Variants in ANO1 observed in about 807,000 individuals in gnomAD.
The protein encoded by ANO1 is anoctamin-1.
Under a neutral mutation model 124.0 loss-of-function variants are expected in ANO1, and 59 were observed. That is an observed-to-expected ratio of 0.48 (90% CI 0.39 to 0.59). ANO1 has a LOEUF of 0.59. Ranked by LOEUF, ANO1 falls within the 20% of genes least tolerant of loss-of-function variation. The pLI, the probability that ANO1 is intolerant of heterozygous loss-of-function variation, is 0.00. For missense variants in ANO1, 1,059 were observed against 1,328.0 expected (o/e 0.80, Z 3.15); for synonymous variants, 529 against 532.0 (o/e 0.99, Z 0.08).
chr11:70,089,984 C>T (rs2044555441), intron 2 of ANO1, among the ~76,000 whole-genome samples: 1 of 145,556 alleles, frequency 6.9e-6, no homozygotes, highest in African/African-American at 2.6e-5. Flanking sequence ...CTCATCTGTT[C>T]CCCAGGGTTT....
At chr11:70,085,052 G>A (rs986790830) in intron 1 of ANO1, among the ~76,000 whole-genome samples, 2 of 152,172 alleles carry the variant, frequency 1.3e-5, no homozygotes, top group South Asian at 2.1e-4. Context: ...ACTAAGGGGG[G>A]CCGCACCTTG....
At chr11:70,117,019 G>A (rs897867529) in intron 8 of ANO1, among the ~76,000 whole-genome samples, 32 of 151,710 alleles carry the variant, frequency 2.1e-4, no homozygotes, top group African/African-American at 7.7e-4. Flanking sequence ...TTTTAATGGA[G>A]AAGTTGTTGA....
chr11:69,990,063 A>G (rs1364463999), intron 1 of ANO1, among the ~76,000 whole-genome samples: 3 of 152,182 alleles, frequency 2.0e-5, no homozygotes, highest in African/African-American at 7.2e-5. Context: ...ATGTCATACA[A>G]CTATCATCAC....
intron 1 of ANO1, among the ~76,000 whole-genome samples, chr11:70,061,546 A>C (rs1445012145): frequency 1.5e-5 from 2 of 133,006 alleles, no homozygotes; most frequent in African/African-American, 5.8e-5. Flanking sequence ...CAGAATGTTG[A>C]GCTTATTTCT....
intron 19 of ANO1, chr11:70,163,664 C>T: frequency 1.7e-6 from 1 of 572,766 alleles, no homozygotes; most frequent in South Asian, 2.2e-5. Context: ...GGGACGGGTG[C>T]AGTGGCTCAT....
intron 2 of ANO1, among the ~76,000 whole-genome samples, chr11:70,096,386 C>T (rs868599182): frequency 6.6e-6 from 1 of 152,274 alleles, no homozygotes; most frequent in Middle Eastern, 3.4e-3. Context: ...TTTTAGGAAC[C>T]AGGCCCCCCA....
At chr11:70,170,798 C>T (rs2048433862) in intron 21 of ANO1, 89 bp from the exon 22 acceptor site, 1 of 1,500,452 alleles carries the variant, frequency 6.7e-7, no homozygotes, top group African/African-American at 1.4e-5. Context: ...GGCAGCCAGA[C>T]CTGTGCGGCT....
chr11:70,158,367 C>T (rs1004764213), intron 16 of ANO1, among the ~76,000 whole-genome samples: 5 of 152,076 alleles, frequency 3.3e-5, no homozygotes, highest in African/African-American at 1.2e-4. Flanking sequence ...CTCCTGTGGC[C>T]ACCTAGCCCC....
intron 14 of ANO1, among the ~76,000 whole-genome samples, chr11:70,153,921 G>A (rs938442022): frequency 1.3e-5 from 2 of 151,998 alleles, no homozygotes; most frequent in East Asian, 1.9e-4. Flanking sequence ...GCGTACCACC[G>A]TGTCCAGCTA....
At chr11:70,023,801 G>T (rs190284279) in intron 1 of ANO1, among the ~76,000 whole-genome samples, 215 of 152,278 alleles carry the variant, frequency 1.4e-3, no homozygotes, top group African/African-American at 4.8e-3. Flanking sequence ...GCCATGTGTG[G>T]GCCAAGAATC....
Position 70,185,632 on chromosome 11 carries a change from C to T in ANO1, c.2631C>T (p.Tyr877=), listed in dbSNP as rs777793743. The change falls in exon 25 of 26, where the codon TAC becomes TAT. Residue 877 remains tyrosine, a synonymous_variant. Transcript: ENST00000355303. ...YREPPWSENK[Y]DISKDFWAVL... is the part of the protein sequence containing the mutation. ...AGCCGCCGTGGTCGGAAAACAAGTA[C>T]GACATCTCCAAGGACTTCTGGGCCG... 13 of 1,613,768 alleles carry T rather than the reference C, an allele frequency of 8.1e-6. No homozygotes were observed. Among genetic ancestry groups the T allele is most frequent in the Middle Eastern group, 1.6e-4 (1 of 6,084 alleles).
At chr11:70,119,563 A>G (rs1379304004) in intron 8 of ANO1, among the ~76,000 whole-genome samples, 2 of 146,940 alleles carry the variant, frequency 1.4e-5, no homozygotes, top group East Asian at 4.3e-4. Context: ...GGAGGAATGA[A>G]TGATGGTTGA....
Position 70,111,719 on chromosome 11 carries a change from T to G in ANO1, c.812T>G (p.Leu271Arg), listed in dbSNP as rs1217567759. 3 of 1,613,954 alleles carry G rather than the reference T, an allele frequency of 1.9e-6. No homozygotes were observed. Among genetic ancestry groups the G allele is most frequent in the South Asian group, 1.1e-5 (1 of 91,088 alleles). Residue 271 changes from leucine (L) to arginine (R), a missense_variant, in exon 7 of 26, where the codon CTG (leucine) becomes CGG (arginine). Physicochemically the swap from Leu to Arg is moderately radical, Grantham distance 102. Coordinates refer to ENST00000355303, the MANE Select transcript of ANO1 (RefSeq NM_018043.7). ...CTCTGTTTTTAAGGCATCACGAGCC[T>G]GCTGGCCAATGGTGTGTACGCGGCT... is the stretch of plus-strand genomic sequence containing the variant. ...KAKYSMGITS[L>R]LANGVYAAAY...
At chr11:70,004,042 C>T (rs372707600) in intron 1 of ANO1, among the ~76,000 whole-genome samples, 8 of 152,242 alleles carry the variant, frequency 5.3e-5, no homozygotes, top group Middle Eastern at 3.4e-3. Context: ...CCTCCTGCTC[C>T]GACCCTTTGG....
At chr11:70,108,490 C>A in intron 6 of ANO1, 86 bp downstream of exon 6, 1 of 1,463,468 alleles carries the variant, frequency 6.8e-7, no homozygotes, top group Non-Finnish European at 9.6e-7. Flanking sequence ...AGGCAGGCAG[C>A]CGGCTTGGGG....
chr11:70,007,273 C>CT (rs71046569), intron 1 of ANO1, among the ~76,000 whole-genome samples: 4 of 134,704 alleles, frequency 3.0e-5, no homozygotes, highest in African/African-American at 5.5e-5. Context: ...TCCTTTCTTT[C>CT]TTTTTTTTTT....
chr11:69,976,870 T>C, the ANO1 span, among the ~76,000 whole-genome samples: 1 of 152,198 alleles, frequency 6.6e-6, no homozygotes, highest in Non-Finnish European at 1.5e-5. Flanking sequence ...TATCAGGGGC[T>C]TGAAATGGGT....
the ANO1 span, among the ~76,000 whole-genome samples, chr11:69,966,967 G>A: frequency 6.6e-6 from 1 of 152,118 alleles, no homozygotes; most frequent in African/African-American, 2.4e-5. Flanking sequence ...CCCTGCAGGG[G>A]GACAATTCTT....
In ANO1 at chr11:70,095,248, AAAGGAAGGAAGGAAGGAAGG is replaced by A. The variant is rs71046578; in HGVS notation, c.441+7199_441+7218del. Among the ~76,000 whole-genome samples the A allele has an allele frequency of 1.1e-4, 4 of 36,938 alleles. 1 individual carries two copies. The highest frequency in any genetic ancestry group is 6.4e-4 in the Admixed American group (2 of 3,126). 24.2% of individuals were successfully genotyped at this position (36,938 alleles called of 152,430 possible). On this transcript the variant is annotated intron_variant, in intron 2 of 25. Transcript: ENST00000355303. ...AGAGAGAGAGGAAAGAAAGAAAAAG[AAAGGAAGGAAGGAAGGAAGG>A]AAGGAAGGAAGGAAGGAAGGAAGGA...
Sources: gnomAD v4.1 joint callset for allele counts (sites outside exome capture counted in the v4.1 genomes callset) on GRCh38, gnomAD v4.1.1 for gene constraint, MANE v1.5 for transcripts, NCBI Gene and HGNC (gene_info 2026-07-23, HGNC 2026-07-21) for gene names.